KIAA0825: variants seen among roughly 807,000 people sequenced by gnomAD.
KIAA0825 encodes the protein uncharacterized protein KIAA0825.
A neutral mutation model predicts 147.6 loss-of-function variants in KIAA0825; 119 were observed. The observed-to-expected ratio is 0.81, with a 90% CI of 0.69 to 0.94. The LOEUF is 0.94. Among genes scored for constraint, KIAA0825 ranks in the 40% least tolerant of loss-of-function variants. KIAA0825 has a pLI of 0.00. For missense variants in KIAA0825, 1,381 were observed against 1,472.7 expected, an observed-to-expected ratio of 0.94 and a Z score of 1.02; for synonymous variants, 470 against 518.1, an observed-to-expected ratio of 0.91 and a Z score of 1.26.
intron 20 of KIAA0825, among the ~76,000 whole-genome samples, chr5:94,339,792 T>C (rs947199609): frequency 2.0e-5 from 3 of 152,206 alleles, no homozygotes; most frequent in Non-Finnish European, 4.4e-5. Context: ...TTTAGCATGG[T>C]AGTTGAATTT....
intron 15 of KIAA0825, 171 bp downstream of exon 15, chr5:94,417,030 A>G: frequency 1.9e-6 from 1 of 533,836 alleles, no homozygotes; most frequent in Non-Finnish European, 3.2e-6. Context: ...TTTTACAGGA[A>G]CCAATAATTA....
intron 20 of KIAA0825, among the ~76,000 whole-genome samples, chr5:94,334,645 G>A (rs959644676): frequency 6.6e-6 from 1 of 152,106 alleles, no homozygotes; most frequent in African/African-American, 2.4e-5. Context: ...ACCATGCCCA[G>A]CTAATTTTTT....
chr5:94,162,674 T>A (rs559559342), intron 20 of KIAA0825, among the ~76,000 whole-genome samples: 10 of 152,340 alleles, frequency 6.6e-5, no homozygotes, highest in African/African-American at 2.4e-4. Context: ...AGATGTCATG[T>A]TATTTCTTCT....
intron 7 of KIAA0825, among the ~76,000 whole-genome samples, chr5:94,475,284 C>T (rs1188635644): frequency 6.6e-6 from 1 of 152,090 alleles, no homozygotes; most frequent in Non-Finnish European, 1.5e-5. Flanking sequence ...TTTTTGTTTT[C>T]CCTATCAGGG....
At chr5:94,392,498 CA>C (rs1209535061) in intron 17 of KIAA0825, among the ~76,000 whole-genome samples, 1 of 152,084 alleles carries the variant, frequency 6.6e-6, no homozygotes, top group Non-Finnish European at 1.5e-5. Flanking sequence ...TATACCAGTG[CA>C]AAAAATTATG....
rs187613782 is a variant in KIAA0825 at position 94,595,025 on chromosome 5, T to C, written c.-152-12442A>G. On this transcript the variant is annotated intron_variant, in intron 1 of 20. Coordinates refer to ENST00000682413, the MANE Select transcript of KIAA0825 (RefSeq NM_001145678.3). Reference sequence around the variant, plus strand: ...AGGGTATAGTCCCCCTCCTGGCTGCTTTCAGAGGCTGGCGTTGAGTGTCTG... The same window carrying C: ...AGGGTATAGTCCCCCTCCTGGCTGCCTTCAGAGGCTGGCGTTGAGTGTCTG... Among the ~76,000 whole-genome samples the C allele has an allele frequency of 2.7e-3, 408 of 152,314 alleles. 3 individuals carry two copies. The highest frequency in any genetic ancestry group is 9.0e-3 in the African/African-American group (374 of 41,568).
At chr5:94,288,112 G>A (rs764280002) in intron 20 of KIAA0825, among the ~76,000 whole-genome samples, 2 of 152,114 alleles carry the variant, frequency 1.3e-5, no homozygotes, top group Non-Finnish European at 2.9e-5. Flanking sequence ...ACCCAATTCT[G>A]CTTTCACCCA....
At position 94,565,095 on chromosome 5, in the gene KIAA0825, C is replaced by CTTTTTTTTTTTTTTTTTTTTTTTTT. The variant is rs1176429699; in HGVS notation, c.-2+17337_-2+17338insAAAAAAAAAAAAAAAAAAAAAAAAA. On this transcript the variant is annotated intron_variant, in intron 2 of 20. Coordinates refer to ENST00000682413, the MANE Select transcript of KIAA0825 (RefSeq NM_001145678.3). ...CTCTTTCTCTCTCTTTCTTGCTTTC[C>CTTTTTTTTTTTTTTTTTTTTTTTTT]TTTTTTTTTTTTTTTTTTGGTAGAG... Among the ~76,000 whole-genome samples, 29 of 52,924 alleles carry CTTTTTTTTTTTTTTTTTTTTTTTTT rather than the reference C, an allele frequency of 5.5e-4. 3 individuals are homozygous for CTTTTTTTTTTTTTTTTTTTTTTTTT. The highest frequency in any genetic ancestry group is 8.1e-4 in the Non-Finnish European group (22 of 27,326). The allele number at this position is 52,924 out of a possible 152,430, so 34.7% of individuals were successfully genotyped here. A position where few individuals can be genotyped will look rare whatever the true frequency, so the allele number is the denominator to read the frequency against.
intron 12 of KIAA0825, among the ~76,000 whole-genome samples, 172 bp from the exon 13 acceptor site, chr5:94,453,241 C>T (rs768314727): frequency 4.6e-5 from 7 of 151,952 alleles, no homozygotes; most frequent in South Asian, 2.1e-4. Flanking sequence ...GGTGCGATTC[C>T]GGCTCACTGC....
In KIAA0825 at chr5:94,274,780, T is replaced by C. The variant is rs528038058; in HGVS notation, c.3710+109588A>G. ...TTGGGTTGCCTCCATTTTCAGACAA[T>C]TCTCCCCTTGCAGAAAAAGGGAACT... On this transcript the variant is annotated intron_variant, in intron 20 of 20. Transcript: ENST00000682413. Among the ~76,000 whole-genome samples the C allele has an allele frequency of 7.2e-5, 11 of 152,250 alleles. No individual in the cohort carries two copies. In the South Asian group the frequency reaches 2.3e-3, roughly 32 times the overall value.
rs1250486263 is a variant in KIAA0825, at chr5:94,568,337, T to G, written c.-2+14096A>C. ...CATCATCAAAACCGCAAATATATCA[T>G]ACACCAACGCCTGAGCCCTATCTAT... On this transcript the variant is annotated intron_variant, in intron 2 of 20. Coordinates refer to ENST00000682413, the MANE Select transcript of KIAA0825 (RefSeq NM_001145678.3). 3 of 156,054 alleles carry G rather than the reference T, an allele frequency of 1.9e-5. No homozygotes were observed. In the Admixed American group the frequency reaches 1.9e-4, roughly 10 times the overall value. The allele number at this position is 156,054 out of a possible 1,614,324, so 9.7% of individuals were successfully genotyped here.
rs78449320 is a variant in KIAA0825, at chr5:94,172,285, G to C, written c.3711-18161C>G. 3.7e-4 allele frequency among the ~76,000 whole-genome samples: 57 copies of C among 152,228 alleles called. No individual in the cohort carries two copies. The East Asian group carries it at 8.7e-3, about 23-fold the overall frequency. ...AATTCATTATAACCATGTCATACTA[G>C]CTGCTATAATAGACTGATGGCCCCA... On this transcript the variant is annotated intron_variant, in intron 20 of 20. Coordinates refer to ENST00000682413, the MANE Select transcript of KIAA0825 (RefSeq NM_001145678.3).
chr5:94,351,047 AG>A (rs1783609066), intron 20 of KIAA0825, among the ~76,000 whole-genome samples: 1 of 152,106 alleles, frequency 6.6e-6, no homozygotes, highest in African/African-American at 2.4e-5. Flanking sequence ...TCTTCAATGT[AG>A]TACTGGAAGT....
intron 1 of KIAA0825, among the ~76,000 whole-genome samples, chr5:94,585,685 C>T (rs148959928): frequency 2.6e-5 from 4 of 152,198 alleles, no homozygotes; most frequent in African/African-American, 4.8e-5. Context: ...CTGGACCAAC[C>T]GGGCTTAATA....
At chr5:94,515,582 A>G (rs566083566) in intron 5 of KIAA0825, among the ~76,000 whole-genome samples, 26 of 152,208 alleles carry the variant, frequency 1.7e-4, no homozygotes, top group African/African-American at 6.3e-4. Context: ...ACCTGAGGTA[A>G]GGAGTTTGAG....
At chr5:94,173,533 A>G (rs1768824099) in intron 20 of KIAA0825, among the ~76,000 whole-genome samples, 1 of 151,988 alleles carries the variant, frequency 6.6e-6, no homozygotes, top group Non-Finnish European at 1.5e-5. Context: ...CGTTGTTTGG[A>G]CTTCTGACCT....
chr5:94,388,010 C>T (rs1290281468), intron 18 of KIAA0825, among the ~76,000 whole-genome samples: 1 of 152,192 alleles, frequency 6.6e-6, no homozygotes, highest in East Asian at 1.9e-4. Context: ...TGTTATAGAG[C>T]AGCAGTCCGC....
intron 5 of KIAA0825, among the ~76,000 whole-genome samples, chr5:94,511,351 TG>T (rs1766444196): frequency 6.6e-6 from 1 of 152,226 alleles, no homozygotes. Flanking sequence ...CCAGGCGTGG[TG>T]GCTCACACCT....
rs563415238 is a variant in KIAA0825, at chr5:94,499,591, G to C, written c.971-14661C>G. On this transcript the variant is annotated intron_variant, in intron 5 of 20. Transcript: ENST00000682413. ...CATATTTTATTTCCCAATCTGGGGGGGGGGGGGGACCAAGGGTCTTACACT... is the reference window on the plus strand; with the variant it reads ...CATATTTTATTTCCCAATCTGGGGGCGGGGGGGGACCAAGGGTCTTACACT... Among the ~76,000 whole-genome samples the C allele has an allele frequency of 2.3e-4, 34 of 148,884 alleles. 2 individuals carry two copies. The highest frequency in any genetic ancestry group is 9.1e-4 in the South Asian group (4 of 4,376).
Sources: gnomAD v4.1 joint callset for allele counts (sites outside exome capture counted in the v4.1 genomes callset) on GRCh38, gnomAD v4.1.1 for gene constraint, MANE v1.5 for transcripts, NCBI Gene and HGNC (gene_info 2026-07-23, HGNC 2026-07-21) for gene names.